PTK2B: variants seen among roughly 807,000 people sequenced by gnomAD.
The protein encoded by PTK2B is protein tyrosine kinase 2 beta.
Under a neutral mutation model 142.9 loss-of-function variants are expected in PTK2B, and 71 were observed. The ratio of observed to expected loss-of-function variants is 0.50; its 90% confidence interval spans 0.41 to 0.61. The LOEUF is 0.61. Ranked by LOEUF, PTK2B falls within the 20% of genes least tolerant of loss-of-function variation. PTK2B has a pLI of 0.00. For missense variants in PTK2B, 1,105 were observed against 1,320.4 expected (o/e 0.84, Z 2.53); for synonymous variants, 519 against 503.4 (o/e 1.03, Z -0.42).
intron 3 of PTK2B, among the ~76,000 whole-genome samples, chr8:27,314,149 C>T (rs1337876152): frequency 6.6e-6 from 1 of 152,236 alleles, no homozygotes; most frequent in East Asian, 1.9e-4. Context: ...TTAACATTAG[C>T]TCATACCCTT....
intron 23 of PTK2B, 72 bp downstream of exon 23, chr8:27,444,343 C>T: frequency 1.3e-6 from 2 of 1,522,694 alleles, no homozygotes; most frequent in Non-Finnish European, 9.1e-7. Context: ...CATTCTTGTG[C>T]CTTAGAGGAG....
At chr8:27,404,172 C>G (rs1225489768) in intron 2 of PTK2B, among the ~76,000 whole-genome samples, 1 of 152,174 alleles carries the variant, frequency 6.6e-6, no homozygotes, top group Non-Finnish European at 1.5e-5. Context: ...GCTCTCTCCT[C>G]TCCCTGCCTG....
chr8:27,439,930 G>A (rs1184257990), intron 20 of PTK2B, among the ~76,000 whole-genome samples: 4 of 152,126 alleles, frequency 2.6e-5, no homozygotes, highest in Non-Finnish European at 5.9e-5. Flanking sequence ...CTTTACTAAG[G>A]AGTGGCTCCC....
chr8:27,410,632 G>C (rs1358904374), intron 2 of PTK2B, among the ~76,000 whole-genome samples: 1 of 152,216 alleles, frequency 6.6e-6, no homozygotes, highest in East Asian at 1.9e-4. Context: ...TGAGAAAATA[G>C]TGAGACAATA....
intron 2 of PTK2B, among the ~76,000 whole-genome samples, chr8:27,412,046 A>G (rs534962497): frequency 1.7e-4 from 26 of 152,334 alleles, no homozygotes; most frequent in African/African-American, 6.0e-4. Flanking sequence ...GGAAGGTTTC[A>G]TATCCTCACA....
intron 1 of PTK2B, among the ~76,000 whole-genome samples, chr8:27,350,193 A>G (rs896691884): frequency 6.6e-6 from 1 of 152,244 alleles, no homozygotes; most frequent in South Asian, 2.1e-4. Flanking sequence ...GTAGCAGCCT[A>G]AAAGACAGTG....
At chr8:27,373,956 C>T (rs1191614209) in intron 1 of PTK2B, among the ~76,000 whole-genome samples, 1 of 151,872 alleles carries the variant, frequency 6.6e-6, no homozygotes, top group Non-Finnish European at 1.5e-5. Flanking sequence ...GCTGAAGAGA[C>T]ATTGCAAGGA....
intron 1 of PTK2B, among the ~76,000 whole-genome samples, chr8:27,360,369 G>A (rs934194085): frequency 6.6e-6 from 1 of 152,248 alleles, no homozygotes; most frequent in African/African-American, 2.4e-5. Context: ...GAGAAGGAAA[G>A]TCATGCTGAT....
chr8:27,451,702 C>T, intron 27 of PTK2B, 193 bp downstream of exon 27: 1 of 1,436,772 alleles, frequency 7.0e-7, no homozygotes, highest in Non-Finnish European at 9.2e-7. Flanking sequence ...CCTCTCCCTG[C>T]CTAGCACCCT....
intron 1 of PTK2B, among the ~76,000 whole-genome samples, chr8:27,338,029 T>C (rs1051838957): frequency 6.6e-6 from 1 of 152,200 alleles, no homozygotes; most frequent in African/African-American, 2.4e-5. Context: ...CAACACTTGT[T>C]GTTGTCTGTA....
chr8:27,354,118 A>G (rs934960129), intron 1 of PTK2B, among the ~76,000 whole-genome samples: 6 of 152,150 alleles, frequency 3.9e-5, no homozygotes, highest in Admixed American at 6.5e-5. Context: ...CTTTCAGAAC[A>G]ACTTGTGCCA....
At chr8:27,430,764 A>T in intron 7 of PTK2B, 112 bp from the exon 8 acceptor site, 2 of 1,423,274 alleles carry the variant, frequency 1.4e-6, no homozygotes, top group East Asian at 4.6e-5. Flanking sequence ...TTTGGGGCAA[A>T]GGCCCTGGGG....
chr8:27,325,077 C>A (rs575464212), upstream of PTK2B, among the ~76,000 whole-genome samples: 1 of 152,318 alleles, frequency 6.6e-6, no homozygotes, highest in South Asian at 2.1e-4. Context: ...ATTTTTCATG[C>A]CTGCAAAGGG....
chr8:27,385,675 T>C (rs1441398109), intron 1 of PTK2B, among the ~76,000 whole-genome samples: 2 of 152,096 alleles, frequency 1.3e-5, no homozygotes, highest in East Asian at 3.9e-4. Context: ...GGCTGATCAC[T>C]TGAGGCCAGG....
chr8:27,430,061 T>A (rs984607696), intron 5 of PTK2B, 32 bp from the exon 6 acceptor site: 9 of 1,597,766 alleles, frequency 5.6e-6, no homozygotes, highest in Non-Finnish European at 7.7e-6. Context: ...TCTCCAGCCT[T>A]CAGCCTCCCT....
intron 1 of PTK2B, among the ~76,000 whole-genome samples, chr8:27,384,440 T>G (rs1183899563): frequency 3.3e-5 from 5 of 152,250 alleles, no homozygotes. Flanking sequence ...AGGTGTTTCT[T>G]TATATAAAAT....
chr8:27,458,223 T>A, intron 30 of PTK2B, 71 bp from the exon 31 acceptor site: 2 of 1,484,314 alleles, frequency 1.3e-6, no homozygotes, highest in Non-Finnish European at 9.3e-7. Flanking sequence ...GGTGGACACC[T>A]CTGTGGCTTC....
At chr8:27,362,831 G>T (rs571429443) in intron 1 of PTK2B, among the ~76,000 whole-genome samples, 1 of 151,062 alleles carries the variant, frequency 6.6e-6, no homozygotes, top group African/African-American at 2.4e-5. Flanking sequence ...ATCTAGAACT[G>T]CTCCCACACG....
intron 1 of PTK2B, among the ~76,000 whole-genome samples, chr8:27,358,119 C>A (rs1287141425): frequency 6.6e-6 from 1 of 152,208 alleles, no homozygotes; most frequent in Non-Finnish European, 1.5e-5. Flanking sequence ...CATTAGTTCT[C>A]TTCATCCTCA....
Sources: allele counts gnomAD v4.1 joint callset (sites outside exome capture counted in the v4.1 genomes callset), GRCh38; gene constraint gnomAD v4.1.1; transcripts MANE v1.5; gene names NCBI Gene and HGNC (gene_info 2026-07-23, HGNC 2026-07-21).